The following TGFA variants were observed in gnomAD, a reference collection of about 807,000 sequenced individuals.
TGFA encodes transforming growth factor alpha.
In TGFA, 12 loss-of-function variants were observed where a neutral mutation model predicts 21.7. That is an observed-to-expected ratio of 0.55 (90% confidence interval 0.35 to 0.90). The LOEUF (loss-of-function observed/expected upper bound fraction) is 0.90, where lower values mean the gene tolerates loss of function less well. Ranked by LOEUF, TGFA falls within the 40% of genes least tolerant of loss-of-function variation. TGFA has a pLI of 0.01. For synonymous variants in TGFA, 79 were observed against 88.1 expected (o/e 0.90, Z 0.58); for missense variants, 178 against 210.8 (o/e 0.84, Z 0.96).
chr2:70,478,116 C>A (rs1670992906), intron 2 of TGFA, among the ~76,000 whole-genome samples: 1 of 152,202 alleles, frequency 6.6e-6, no homozygotes, highest in African/African-American at 2.4e-5. Flanking sequence ...GTCCGTTCTC[C>A]ATCCTGGAGG....
intron 3 of TGFA, among the ~76,000 whole-genome samples, chr2:70,456,740 G>C (rs1670243152): frequency 6.6e-6 from 1 of 152,274 alleles, no homozygotes; most frequent in Non-Finnish European, 1.5e-5. Flanking sequence ...TACGGCTGAA[G>C]CAATCCATGA....
rs560023317 is a variant in TGFA, at chr2:70,494,748, T to C, written c.94+20111A>G. Among the ~76,000 whole-genome samples, 15 of 152,288 alleles carry C rather than the reference T, an allele frequency of 9.8e-5. No homozygotes were observed. The Middle Eastern group carries it at 0.014, about 138-fold the overall frequency. ...GACTAGTAAGGCTGGACATCTTTTC[T>C]ATGTTTATTGGCCGTATGTAGTTTT... On this transcript the variant is annotated intron_variant, in intron 2 of 5. Coordinates refer to ENST00000295400, the MANE Select transcript of TGFA (RefSeq NM_003236.4).
chr2:70,536,828 G>A (rs77786944), intron 1 of TGFA, among the ~76,000 whole-genome samples: 4 of 152,274 alleles, frequency 2.6e-5, no homozygotes, highest in Non-Finnish European at 5.9e-5. Flanking sequence ...GTAAACAGAA[G>A]AAAGATGAAG....
chr2:70,535,357 G>A (rs1324179132), intron 1 of TGFA, among the ~76,000 whole-genome samples: 1 of 152,170 alleles, frequency 6.6e-6, no homozygotes, highest in Non-Finnish European at 1.5e-5. Context: ...ACCCAGCAGA[G>A]TATCTAATAT....
chr2:70,544,210 A>G (rs1443280198), intron 1 of TGFA, among the ~76,000 whole-genome samples: 1 of 152,104 alleles, frequency 6.6e-6, no homozygotes, highest in Non-Finnish European at 1.5e-5. Flanking sequence ...CCGTAAAGCC[A>G]TGAAAAATAC....
At chr2:70,507,884 G>A (rs1442646162) in intron 2 of TGFA, among the ~76,000 whole-genome samples, 1 of 152,208 alleles carries the variant, frequency 6.6e-6, no homozygotes. Flanking sequence ...CCCTCAGCAT[G>A]CAAAACCTCA....
At chr2:70,464,567 G>T (rs1217982447) in intron 3 of TGFA, among the ~76,000 whole-genome samples, 1 of 152,148 alleles carries the variant, frequency 6.6e-6, no homozygotes, top group Non-Finnish European at 1.5e-5. Flanking sequence ...AGAGGCCAGG[G>T]ATACCGCTGA....
intron 2 of TGFA, among the ~76,000 whole-genome samples, chr2:70,503,301 G>A (rs374382080): frequency 6.6e-6 from 1 of 151,610 alleles, no homozygotes; most frequent in Non-Finnish European, 1.5e-5. Context: ...GGAAACCATC[G>A]TTCTCAGCAA....
At chr2:70,488,343 ATATT>A (rs1320318515) in intron 2 of TGFA, among the ~76,000 whole-genome samples, 1 of 152,180 alleles carries the variant, frequency 6.6e-6, no homozygotes. Context: ...TTTATTGCTT[ATATT>A]TAATTCTAAA....
intron 1 of TGFA, among the ~76,000 whole-genome samples, chr2:70,529,452 G>C: frequency 6.6e-6 from 1 of 152,124 alleles, no homozygotes; most frequent in East Asian, 1.9e-4. Context: ...TTTTCATCAC[G>C]GATGCGTGTA....
intron 2 of TGFA, among the ~76,000 whole-genome samples, chr2:70,507,342 A>G (rs1336848047): frequency 6.6e-6 from 1 of 152,282 alleles, no homozygotes; most frequent in Non-Finnish European, 1.5e-5. Flanking sequence ...ACCAGAGATC[A>G]TTAATGTGAA....
chr2:70,453,341 G>A lies in TGFA; in HGVS notation c.366-14C>T. ...ACCTGGCAGCAGCTGCAAAGACACAGAGGACCCAGTCTGGGCAGGAGCCTG... is the reference window on the plus strand; with the variant it reads ...ACCTGGCAGCAGCTGCAAAGACACAAAGGACCCAGTCTGGGCAGGAGCCTG... On this transcript the variant is annotated splice_polypyrimidine_tract_variant and intron_variant, in intron 4 of 5. Transcript: ENST00000295400. 1.2e-6 allele frequency: 2 copies of A among 1,611,824 alleles called. No individual in the cohort carries two copies. Among genetic ancestry groups the A allele is most frequent in the Non-Finnish European group, 1.7e-6 (2 of 1,178,840 alleles).
chr2:70,552,150 G>T (rs1341551785), intron 1 of TGFA, among the ~76,000 whole-genome samples: 1 of 151,950 alleles, frequency 6.6e-6, no homozygotes, highest in Non-Finnish European at 1.5e-5. Flanking sequence ...TTCCTTCCAC[G>T]TTCTTCGACA....
intron 3 of TGFA, among the ~76,000 whole-genome samples, chr2:70,462,524 G>GA (rs1670435853): frequency 6.6e-6 from 1 of 152,226 alleles, no homozygotes; most frequent in Non-Finnish European, 1.5e-5. Flanking sequence ...AAGGGCTGGA[G>GA]AGCGCGAGCC....
At chr2:70,467,111 G>T (rs868974660) in intron 2 of TGFA, among the ~76,000 whole-genome samples, 8 of 152,024 alleles carry the variant, frequency 5.3e-5, no homozygotes, top group African/African-American at 1.9e-4. Context: ...CTAGGTGATG[G>T]ATTGTTATGT....
At chr2:70,543,197 G>A (rs1239494648) in intron 1 of TGFA, among the ~76,000 whole-genome samples, 2 of 151,908 alleles carry the variant, frequency 1.3e-5, no homozygotes, top group Non-Finnish European at 2.9e-5. Context: ...TCTTATCTTG[G>A]GGGCCTTGAT....
chr2:70,523,780 A>C (rs1426262461), intron 1 of TGFA, among the ~76,000 whole-genome samples: 3 of 152,070 alleles, frequency 2.0e-5, no homozygotes, highest in Non-Finnish European at 4.4e-5. Context: ...ATCTTTCCCT[A>C]CTTCAAGAGA....
At chr2:70,453,143 C>T in intron 5 of TGFA, 75 bp downstream of exon 5, 1 of 1,324,102 alleles carries the variant, frequency 7.6e-7, no homozygotes. Context: ...ACTCCAGGAA[C>T]TTCTGCCCTG....
At chr2:70,503,579 T>TAAAAAA (rs372379367) in intron 2 of TGFA, among the ~76,000 whole-genome samples, 1 of 134,464 alleles carries the variant, frequency 7.4e-6, no homozygotes. Context: ...ATAATAATAA[T>TAAAAAA]AATAAAAAAA....
Sources: gnomAD v4.1 joint callset for allele counts (sites outside exome capture counted in the v4.1 genomes callset) on GRCh38, gnomAD v4.1.1 for gene constraint, MANE v1.5 for transcripts, NCBI Gene and HGNC (gene_info 2026-07-23, HGNC 2026-07-21) for gene names.